FGF12: variants seen among roughly 807,000 people sequenced by gnomAD.
FGF12 encodes the protein fibroblast growth factor 12B.
In FGF12, 14 loss-of-function variants were observed where a neutral mutation model predicts 23.6. The ratio of observed to expected loss-of-function variants is 0.59; its 90% CI spans 0.39 to 0.93. FGF12 has a LOEUF of 0.93. Among genes scored for constraint, FGF12 ranks in the 40% least tolerant of loss-of-function variants. The probability of loss-of-function intolerance (pLI) is 0.00; values close to 1 mark genes in which losing one functional copy is unlikely to be tolerated. For missense variants in FGF12, 175 were observed against 217.8 expected (o/e 0.80, Z 1.24); for synonymous variants, 62 against 77.3 (o/e 0.80, Z 1.04).
intron 2 of FGF12, among the ~76,000 whole-genome samples, chr3:192,428,135 G>A (rs564496222): frequency 1.9e-4 from 29 of 152,180 alleles, no homozygotes; most frequent in African/African-American, 4.6e-4. Context: ...ATCCCCCTCC[G>A]CCACCCAAGT....
At chr3:192,632,903 A>T (rs1467038654) in intron 2 of FGF12, among the ~76,000 whole-genome samples, 1 of 152,068 alleles carries the variant, frequency 6.6e-6, no homozygotes, top group Admixed American at 6.6e-5. Flanking sequence ...AATCTATTCC[A>T]TGCCTCTCTC....
chr3:192,170,446 T>C lies in FGF12; in HGVS notation c.427+12A>G. The C allele has an allele frequency of 6.2e-7, 1 of 1,611,802 alleles. No homozygotes were observed. The highest frequency in any genetic ancestry group is 8.5e-7 in the Non-Finnish European group (1 of 1,178,312). On this transcript the variant is annotated intron_variant, in intron 5 of 5. Coordinates refer to ENST00000445105, the MANE Select transcript of FGF12 (RefSeq NM_004113.6). ...ATAAGGGTCCAACAAAGACAGTCAG[T>C]TGGTTTCATACCTTCAATAGGTTTC...
intron 2 of FGF12, among the ~76,000 whole-genome samples, chr3:192,650,272 TCA>T (rs1160898157): frequency 6.6e-6 from 1 of 152,236 alleles, no homozygotes; most frequent in African/African-American, 2.4e-5. Flanking sequence ...TTTTTCAACC[TCA>T]GTTTCTACTA....
chr3:192,714,611 C>T (rs375614296), intron 2 of FGF12, among the ~76,000 whole-genome samples: 2 of 150,472 alleles, frequency 1.3e-5, no homozygotes, highest in South Asian at 4.2e-4. Context: ...CTCCGCCTCC[C>T]GGGTTCACGC....
At chr3:192,653,261 C>T (rs769555227) in intron 2 of FGF12, among the ~76,000 whole-genome samples, 1 of 152,120 alleles carries the variant, frequency 6.6e-6, no homozygotes. Context: ...TGTAACTAGG[C>T]TAGGAGTGGT....
chr3:192,373,825 T>C (rs917322505), intron 2 of FGF12, among the ~76,000 whole-genome samples: 1 of 152,158 alleles, frequency 6.6e-6, no homozygotes, highest in Non-Finnish European at 1.5e-5. Flanking sequence ...GACAATACTT[T>C]CAAGGGTGGC....
At chr3:192,297,606 C>T (rs1453732881) in intron 4 of FGF12, among the ~76,000 whole-genome samples, 7 of 152,066 alleles carry the variant, frequency 4.6e-5, no homozygotes, top group African/African-American at 1.4e-4. Context: ...TTTATATAGG[C>T]CCTTCATTTG....
chr3:192,370,709 A>G (rs1023242890), intron 2 of FGF12, among the ~76,000 whole-genome samples: 1 of 152,206 alleles, frequency 6.6e-6, no homozygotes, highest in African/African-American at 2.4e-5. Flanking sequence ...TGGTTATGGG[A>G]GCCAGTTAGG....
rs1351019279 is a variant in FGF12 at position 192,141,517 on chromosome 3, T to C, written c.*2492A>G. ...TAAGACAAAGCTAATTTCCAAAACA[T>C]TTTACTGCAGTGAACATTTGCTTAA... On this transcript the variant is annotated 3_prime_UTR_variant, in exon 6 of 6. Coordinates refer to ENST00000445105, the MANE Select transcript of FGF12 (RefSeq NM_004113.6). 3 of 151,956 alleles carry C rather than the reference T, an allele frequency of 2.0e-5. No homozygotes were observed. The highest frequency in any genetic ancestry group is 4.4e-5 in the Non-Finnish European group (3 of 67,858). The allele number at this position is 151,956 out of a possible 1,614,324, so 9.4% of individuals were successfully genotyped here.
intron 4 of FGF12, among the ~76,000 whole-genome samples, chr3:192,237,374 T>C (rs1259472986): frequency 6.6e-6 from 1 of 152,196 alleles, no homozygotes; most frequent in Non-Finnish European, 1.5e-5. Context: ...ATTTGCATGT[T>C]GATCACTCCA....
chr3:192,203,385 C>A (rs1230101042), intron 4 of FGF12, among the ~76,000 whole-genome samples: 1 of 151,930 alleles, frequency 6.6e-6, no homozygotes, highest in Non-Finnish European at 1.5e-5. Flanking sequence ...TATTTTCATT[C>A]ATTTGCACAT....
chr3:192,538,288 T>C lies in FGF12; in HGVS notation c.14-177750A>G, dbSNP rs193032712. Among the ~76,000 whole-genome samples the C allele has an allele frequency of 1.6e-4, 24 of 152,164 alleles. No individual in the cohort carries two copies. The East Asian group carries it at 2.1e-3, about 13-fold the overall frequency. ...TTCTTTTGTTTTGTTTTTGTTTTTG[T>C]ATATGGTTAGCTAGAGATAGGGGGT... is the stretch of plus-strand genomic sequence containing the variant. On this transcript the variant is annotated intron_variant, in intron 2 of 5. Transcript: ENST00000445105.
chr3:192,658,912 C>T (rs1035546426), intron 2 of FGF12, among the ~76,000 whole-genome samples: 1 of 152,080 alleles, frequency 6.6e-6, no homozygotes, highest in African/African-American at 2.4e-5. Context: ...ACCCAGGTGC[C>T]AGGCCCTTTG....
At chr3:192,288,977 T>G (rs1714613197) in intron 4 of FGF12, among the ~76,000 whole-genome samples, 2 of 152,060 alleles carry the variant, frequency 1.3e-5, no homozygotes, top group Admixed American at 6.6e-5. Context: ...CATGTCCGAG[T>G]GCCCTTGACA....
intron 2 of FGF12, among the ~76,000 whole-genome samples, chr3:192,590,642 T>C (rs1263421843): frequency 6.6e-6 from 1 of 151,938 alleles, no homozygotes; most frequent in Non-Finnish European, 1.5e-5. Context: ...TGACTTCCTT[T>C]TGCTTCAAGG....
intron 4 of FGF12, among the ~76,000 whole-genome samples, chr3:192,185,769 G>C (rs1716425194): frequency 1.3e-5 from 2 of 151,432 alleles, no homozygotes; most frequent in South Asian, 4.2e-4. Context: ...CTGAGGCAGA[G>C]AAATGCTTGA....
intron 4 of FGF12, among the ~76,000 whole-genome samples, chr3:192,191,552 A>C (rs1042289107): frequency 2.0e-5 from 3 of 152,040 alleles, no homozygotes; most frequent in Non-Finnish European, 4.4e-5. Flanking sequence ...AATAGTCTTT[A>C]AGGCCAGGCA....
chr3:192,175,374 AG>A (rs1715803610), intron 4 of FGF12, among the ~76,000 whole-genome samples: 1 of 151,814 alleles, frequency 6.6e-6, no homozygotes, highest in African/African-American at 2.4e-5. Context: ...AGTTCAATGT[AG>A]GCATCAGAGA....
chr3:192,413,092 A>G (rs1321486562), intron 2 of FGF12, among the ~76,000 whole-genome samples: 1 of 152,244 alleles, frequency 6.6e-6, no homozygotes, highest in Non-Finnish European at 1.5e-5. Context: ...CTAGTCAAAC[A>G]AATAAAAACA....
Sources: gnomAD v4.1 joint callset for allele counts (sites outside exome capture counted in the v4.1 genomes callset) on GRCh38, gnomAD v4.1.1 for gene constraint, MANE v1.5 for transcripts, NCBI Gene and HGNC (gene_info 2026-07-23, HGNC 2026-07-21) for gene names.